SMARCC1: variants seen among roughly 807,000 people sequenced by gnomAD.
SMARCC1 encodes SWI/SNF complex subunit SMARCC1.
A neutral mutation model predicts 147.4 loss-of-function variants in SMARCC1; 43 were observed. The observed-to-expected ratio is 0.29, with a 90% CI of 0.23 to 0.38. The LOEUF (loss-of-function observed/expected upper bound fraction) is 0.38, where lower values mean the gene tolerates loss of function less well. Among genes scored for constraint, SMARCC1 ranks in the 10% least tolerant of loss-of-function variants. The pLI is 1.00. For missense variants in SMARCC1, 1,119 were observed against 1,381.1 expected (o/e 0.81, Z 3.01); for synonymous variants, 495 against 484.4 (o/e 1.02, Z -0.29).
In SMARCC1 at chr3:47,697,689, G is replaced by A. The variant is rs529273190; in HGVS notation, c.1165+3589C>T. 8.5e-4 allele frequency among the ~76,000 whole-genome samples: 128 copies of A among 151,280 alleles called. 1 individual carries two copies. The highest frequency in any genetic ancestry group is 2.7e-3 in the South Asian group (13 of 4,752). ...TAACCATGACAGCAAAACCTGATGA[G>A]AAAATGCTAAGAACAGAAAGTTAAA... On this transcript the variant is annotated intron_variant, in intron 11 of 27. Transcript: ENST00000254480.
At chr3:47,734,439 GA>G (rs1274516389) in intron 5 of SMARCC1, among the ~76,000 whole-genome samples, 1 of 152,096 alleles carries the variant, frequency 6.6e-6, no homozygotes, top group African/African-American at 2.4e-5. Context: ...GAACATGCAA[GA>G]TATTTTACTA....
intron 12 of SMARCC1, 134 bp downstream of exon 12, chr3:47,693,107 C>G (rs1410639302): frequency 1.3e-5 from 8 of 637,742 alleles, no homozygotes; most frequent in Non-Finnish European, 2.2e-5. Context: ...AAGTTTAAAG[C>G]TGTGGTGAGC....
intron 24 of SMARCC1, among the ~76,000 whole-genome samples, chr3:47,627,443 A>T (rs1012608330): frequency 1.3e-5 from 2 of 152,112 alleles, no homozygotes; most frequent in African/African-American, 4.8e-5. Context: ...GTAAAGAAGC[A>T]ACTATTAGGT....
chr3:47,625,571 G>A (rs2032797987), intron 24 of SMARCC1, among the ~76,000 whole-genome samples: 1 of 152,064 alleles, frequency 6.6e-6, no homozygotes, highest in Non-Finnish European at 1.5e-5. Flanking sequence ...CATAATAAAA[G>A]TTTAAAGGTG....
At chr3:47,599,775 T>C (rs1275358781) in intron 26 of SMARCC1, among the ~76,000 whole-genome samples, 1 of 152,206 alleles carries the variant, frequency 6.6e-6, no homozygotes, top group African/African-American at 2.4e-5. Flanking sequence ...GAAATTACTT[T>C]CTGAACCCGC....
intron 5 of SMARCC1, among the ~76,000 whole-genome samples, chr3:47,730,993 G>A (rs1428464682): frequency 1.3e-5 from 2 of 152,146 alleles, no homozygotes; most frequent in Admixed American, 1.3e-4. Context: ...GAAGGTTAAG[G>A]TGGCTGTGGC....
chr3:47,666,923 A>G (rs1055930622), intron 19 of SMARCC1, among the ~76,000 whole-genome samples: 3 of 152,210 alleles, frequency 2.0e-5, no homozygotes, highest in Non-Finnish European at 2.9e-5. Context: ...GCATCAAGAA[A>G]AAGTATGTAA....
chr3:47,658,205 A>G (rs1445605376), intron 21 of SMARCC1, among the ~76,000 whole-genome samples: 1 of 152,228 alleles, frequency 6.6e-6, no homozygotes, highest in Non-Finnish European at 1.5e-5. Flanking sequence ...ATCAACAGTT[A>G]TGAGAGAACA....
intron 2 of SMARCC1, among the ~76,000 whole-genome samples, chr3:47,752,253 C>T (rs552872204): frequency 2.0e-5 from 3 of 152,122 alleles, no homozygotes; most frequent in Non-Finnish European, 4.4e-5. Flanking sequence ...CACAATCACC[C>T]AAATGAAAAC....
intron 26 of SMARCC1, chr3:47,604,675 T>C (rs1559623713): frequency 1.2e-5 from 2 of 171,462 alleles, no homozygotes; most frequent in Non-Finnish European, 1.2e-5. Context: ...AACTTTAAAA[T>C]AGTGGGTTTA....
At chr3:47,739,353 CT>C (rs2034481456) in intron 3 of SMARCC1, among the ~76,000 whole-genome samples, 1 of 152,154 alleles carries the variant, frequency 6.6e-6, no homozygotes, top group Non-Finnish European at 1.5e-5. Flanking sequence ...CAGAGTCTCA[CT>C]GTGTCACCTA....
intron 12 of SMARCC1, among the ~76,000 whole-genome samples, chr3:47,692,523 A>C (rs575417155): frequency 6.6e-6 from 1 of 152,294 alleles, no homozygotes; most frequent in South Asian, 2.1e-4. Context: ...TTTCCTTAAA[A>C]CTCATATTCT....
At chr3:47,746,251 C>G (rs1228819636) in intron 2 of SMARCC1, 2 of 304,428 alleles carry the variant, frequency 6.6e-6, no homozygotes, top group East Asian at 6.3e-5. Flanking sequence ...GAGTTCAAGA[C>G]CAGTCTGGGC....
chr3:47,697,971 G>A (rs537592754), intron 11 of SMARCC1, among the ~76,000 whole-genome samples: 1 of 111,280 alleles, frequency 9.0e-6, no homozygotes, highest in South Asian at 3.2e-4. Flanking sequence ...TCGCGCCACT[G>A]CACTCCAGCC....
intron 21 of SMARCC1, among the ~76,000 whole-genome samples, chr3:47,650,530 C>T (rs1355483001): frequency 4.6e-5 from 7 of 151,464 alleles, no homozygotes; most frequent in Non-Finnish European, 7.4e-5. Context: ...AAAATGTGGC[C>T]TTGGGTTGAG....
chr3:47,593,331 C>G (rs970580864), intron 26 of SMARCC1, among the ~76,000 whole-genome samples: 2 of 151,724 alleles, frequency 1.3e-5, no homozygotes, highest in South Asian at 4.2e-4. Flanking sequence ...GCCACCATAC[C>G]CGGATAATTT....
At chr3:47,695,878 C>CAACA (rs2033843118) in intron 11 of SMARCC1, among the ~76,000 whole-genome samples, 1 of 112,362 alleles carries the variant, frequency 8.9e-6, no homozygotes, top group Non-Finnish European at 1.7e-5. Context: ...ACCTGCCTGG[C>CAACA]CAAGGTGAAA....
chr3:47,612,994 T>G (rs1559625592), intron 25 of SMARCC1, among the ~76,000 whole-genome samples: 1 of 152,220 alleles, frequency 6.6e-6, no homozygotes, highest in African/African-American at 2.4e-5. Flanking sequence ...TACCTTATTT[T>G]TATTAAATCA....
intron 21 of SMARCC1, among the ~76,000 whole-genome samples, chr3:47,650,822 A>AT (rs976062352): frequency 1.8e-4 from 28 of 152,166 alleles, no homozygotes; most frequent in Non-Finnish European, 2.9e-4. Flanking sequence ...TCTTTAAAAA[A>AT]AAATAAAAAT....
Sources: allele counts gnomAD v4.1 joint callset (sites outside exome capture counted in the v4.1 genomes callset), GRCh38; gene constraint gnomAD v4.1.1; transcripts MANE v1.5; gene names NCBI Gene and HGNC (gene_info 2026-07-23, HGNC 2026-07-21).